Variants in NRXN1 observed in about 807,000 individuals in gnomAD.
NRXN1 encodes neurexin-1.
NRXN1 carries 39 observed loss-of-function variants against 150.9 expected under a neutral mutation model. The observed-to-expected ratio is 0.26, with a 90% CI of 0.20 to 0.34. NRXN1 has a LOEUF of 0.34. Ranked by LOEUF, NRXN1 falls within the 10% of genes least tolerant of loss-of-function variation. The pLI, the probability that NRXN1 is intolerant of heterozygous loss-of-function variation, is 1.00. For missense variants in NRXN1, 1,815 were observed against 1,949.9 expected (o/e 0.93, Z 1.30); for synonymous variants, 924 against 757.0 (o/e 1.22, Z -3.62).
intron 17 of NRXN1, among the ~76,000 whole-genome samples, chr2:50,284,691 G>T (rs569033454): frequency 6.6e-6 from 1 of 152,204 alleles, no homozygotes; most frequent in African/African-American, 2.4e-5. Flanking sequence ...AGAAAAATCA[G>T]TGGGGCTAGG....
chr2:50,222,877 A>C (rs569972940), intron 18 of NRXN1, among the ~76,000 whole-genome samples: 1 of 152,072 alleles, frequency 6.6e-6, no homozygotes, highest in Admixed American at 6.6e-5. Context: ...GCATAAGATT[A>C]AAGATTAGAG....
chr2:50,283,567 C>T (rs372681102), intron 17 of NRXN1, among the ~76,000 whole-genome samples: 20 of 152,158 alleles, frequency 1.3e-4, no homozygotes, highest in African/African-American at 4.1e-4. Context: ...AAATGAAGAA[C>T]GCATTGACAC....
intron 17 of NRXN1, among the ~76,000 whole-genome samples, chr2:50,257,314 T>C (rs1000805893): frequency 2.0e-5 from 3 of 152,120 alleles, no homozygotes; most frequent in African/African-American, 7.2e-5. Flanking sequence ...TTCCCCATTC[T>C]GCAATTCTTT....
intron 22 of NRXN1, among the ~76,000 whole-genome samples, chr2:49,935,301 G>T (rs1192131976): frequency 1.3e-5 from 2 of 152,084 alleles, no homozygotes; most frequent in African/African-American, 4.8e-5. Flanking sequence ...CAGGCATTGG[G>T]ATTTCTCAAG....
At chr2:50,774,437 G>T (rs912551793) in intron 5 of NRXN1, among the ~76,000 whole-genome samples, 8 of 152,092 alleles carry the variant, frequency 5.3e-5, no homozygotes, top group Non-Finnish European at 1.2e-4. Flanking sequence ...ACACTAAACA[G>T]TGGTTCTGTG....
chr2:50,688,528 T>C (rs995328937), intron 5 of NRXN1, among the ~76,000 whole-genome samples: 1 of 152,082 alleles, frequency 6.6e-6, no homozygotes, highest in African/African-American at 2.4e-5. Flanking sequence ...GTAGAAGAAA[T>C]TGATTTGTTT....
intron 12 of NRXN1, among the ~76,000 whole-genome samples, chr2:50,514,228 A>C (rs2092559262): frequency 6.6e-6 from 1 of 152,218 alleles, no homozygotes; most frequent in South Asian, 2.1e-4. Flanking sequence ...TTTTTTAAAA[A>C]TACTAGAATC....
intron 5 of NRXN1, among the ~76,000 whole-genome samples, chr2:50,722,295 C>T (rs978209980): frequency 6.6e-6 from 1 of 151,930 alleles, no homozygotes; most frequent in Admixed American, 6.6e-5. Context: ...CATACAATTC[C>T]CCATAATACA....
intron 17 of NRXN1, among the ~76,000 whole-genome samples, chr2:50,317,366 C>G (rs1441692348): frequency 6.6e-6 from 1 of 151,804 alleles, no homozygotes. Flanking sequence ...ATCTTTAAAA[C>G]AGTCAGGAAG....
At chr2:50,030,935 G>C (rs915323549) in intron 21 of NRXN1, among the ~76,000 whole-genome samples, 13 of 152,004 alleles carry the variant, frequency 8.6e-5, no homozygotes, top group Non-Finnish European at 1.3e-4. Context: ...TGGCACTAGA[G>C]TTTGTATATA....
At chr2:50,194,510 C>A (rs941403400) in intron 18 of NRXN1, among the ~76,000 whole-genome samples, 2 of 152,074 alleles carry the variant, frequency 1.3e-5, no homozygotes, top group African/African-American at 2.4e-5. Context: ...CTTTACCCCC[C>A]CGATTCCCCA....
At chr2:50,344,231 C>T (rs112433073) in intron 17 of NRXN1, among the ~76,000 whole-genome samples, 1 of 152,124 alleles carries the variant, frequency 6.6e-6, no homozygotes, top group Non-Finnish European at 1.5e-5. Flanking sequence ...CATCCCCCAC[C>T]CTGAGAGGCT....
chr2:50,075,316 C>A (rs1483276407), intron 19 of NRXN1, among the ~76,000 whole-genome samples: 2 of 152,148 alleles, frequency 1.3e-5, no homozygotes, highest in Non-Finnish European at 2.9e-5. Flanking sequence ...AACATCTTGG[C>A]TGCACACCAG....
intron 5 of NRXN1, among the ~76,000 whole-genome samples, chr2:50,736,948 G>T (rs1698830632): frequency 6.6e-6 from 1 of 152,036 alleles, no homozygotes; most frequent in Admixed American, 6.6e-5. Context: ...TATTATAGTG[G>T]TATCTTGAAT....
intron 5 of NRXN1, among the ~76,000 whole-genome samples, chr2:50,808,479 A>G (rs898533930): frequency 6.6e-6 from 1 of 152,074 alleles, no homozygotes; most frequent in African/African-American, 2.4e-5. Context: ...GAAATGCAAA[A>G]AAAAAGAGAA....
chr2:50,480,207 A>G (rs2104776428), intron 15 of NRXN1, among the ~76,000 whole-genome samples: 1 of 152,322 alleles, frequency 6.6e-6, no homozygotes, highest in South Asian at 2.1e-4. Flanking sequence ...ACTGACACAT[A>G]CTGAATTTAT....
chr2:50,252,904 G>T (rs1398821129), intron 17 of NRXN1, among the ~76,000 whole-genome samples: 1 of 151,876 alleles, frequency 6.6e-6, no homozygotes, highest in African/African-American at 2.4e-5. Context: ...ATTCTTTTTT[G>T]GTTCCATATG....
At chr2:50,770,311 G>A (rs900929366) in intron 5 of NRXN1, among the ~76,000 whole-genome samples, 2 of 151,508 alleles carry the variant, frequency 1.3e-5, no homozygotes, top group South Asian at 2.1e-4. Context: ...ATTTGTACAC[G>A]TACATAATTT....
chr2:50,988,581 C>A (rs1391544094), intron 2 of NRXN1, among the ~76,000 whole-genome samples: 1 of 151,912 alleles, frequency 6.6e-6, no homozygotes, highest in Non-Finnish European at 1.5e-5. Context: ...TCTAAATCCC[C>A]TCTCCTGTTT....
Sources: gnomAD v4.1 joint callset for allele counts (sites outside exome capture counted in the v4.1 genomes callset) on GRCh38, gnomAD v4.1.1 for gene constraint, MANE v1.5 for transcripts, NCBI Gene and HGNC (gene_info 2026-07-23, HGNC 2026-07-21) for gene names.